The following ADGRB3 variants were observed in gnomAD, a reference collection of about 807,000 sequenced individuals.
The protein encoded by ADGRB3 is brain-specific angiogenesis inhibitor 3.
A neutral mutation model predicts 193.4 loss-of-function variants in ADGRB3; 37 were observed. The observed-to-expected ratio is 0.19, with a 90% CI of 0.15 to 0.25. ADGRB3 has a LOEUF of 0.25. Ranked by LOEUF, ADGRB3 falls within the 10% of genes least tolerant of loss-of-function variation. The pLI, the probability that ADGRB3 is intolerant of heterozygous loss-of-function variation, is 1.00. For missense variants in ADGRB3, 1,637 were observed against 1,852.9 expected (o/e 0.88, Z 2.14); for synonymous variants, 690 against 644.2 (o/e 1.07, Z -1.08).
chr6:69,327,957 C>T lies in ADGRB3; in HGVS notation c.3035+68C>T. The T allele has an allele frequency of 4.4e-6, 6 of 1,367,190 alleles. No homozygotes were observed. The South Asian group carries it at 8.3e-5, about 19-fold the overall frequency. The allele number at this position is 1,367,190 out of a possible 1,614,324, so 84.7% of individuals were successfully genotyped here. ...AATCATCAAAGAGTCTTGGTTGGCACTGCTGATGGCTTGCAGTTTATCATG... is the reference window on the plus strand; with the variant it reads ...AATCATCAAAGAGTCTTGGTTGGCATTGCTGATGGCTTGCAGTTTATCATG... On this transcript the variant is annotated intron_variant, in intron 22 of 31. Coordinates refer to ENST00000370598, the MANE Select transcript of ADGRB3 (RefSeq NM_001704.3).
chr6:68,841,106 A>ATAT (rs139618736), intron 3 of ADGRB3, among the ~76,000 whole-genome samples: 20,426 of 152,164 alleles, frequency 0.13, 1,811 homozygotes, highest in Middle Eastern at 0.2. Context: ...TAGAAAACAA[A>ATAT]TATTATTAGA....
intron 17 of ADGRB3, among the ~76,000 whole-genome samples, chr6:69,155,786 AGTAGTTT>A (rs1774818524): frequency 6.6e-6 from 1 of 152,214 alleles, no homozygotes; most frequent in South Asian, 2.1e-4. Context: ...AAGAGAAGAT[AGTAGTTT>A]GACAAAATGG....
At chr6:68,997,795 CTT>C (rs1482667918) in intron 11 of ADGRB3, among the ~76,000 whole-genome samples, 1 of 151,942 alleles carries the variant, frequency 6.6e-6, no homozygotes. Flanking sequence ...TAAAAGGTAA[CTT>C]ATTTTTTGGC....
chr6:68,692,232 T>G (rs111447258), intron 3 of ADGRB3, among the ~76,000 whole-genome samples: 1 of 152,008 alleles, frequency 6.6e-6, no homozygotes, highest in African/African-American at 2.4e-5. Context: ...TTGCAATCAG[T>G]TTTTAGAGCC....
chr6:68,952,660 A>C (rs2150255116), intron 6 of ADGRB3, among the ~76,000 whole-genome samples: 1 of 152,282 alleles, frequency 6.6e-6, no homozygotes, highest in South Asian at 2.1e-4. Flanking sequence ...AAAAAAAATT[A>C]AAAAGCTTGC....
intron 3 of ADGRB3, among the ~76,000 whole-genome samples, chr6:68,868,489 T>A (rs1451279966): frequency 6.6e-6 from 1 of 152,242 alleles, no homozygotes; most frequent in Non-Finnish European, 1.5e-5. Flanking sequence ...AAGATTTTTG[T>A]GCTAGGAACC....
chr6:69,091,647 C>T lies in ADGRB3; in HGVS notation c.2480+15609C>T, dbSNP rs185384248. Among the ~76,000 whole-genome samples, 295 of 151,692 alleles carry T rather than the reference C, an allele frequency of 1.9e-3. 4 individuals carry two copies. Among genetic ancestry groups the T allele is most frequent in the Admixed American group, 5.1e-3 (78 of 15,226 alleles). On this transcript the variant is annotated intron_variant, in intron 17 of 31. Coordinates refer to ENST00000370598, the MANE Select transcript of ADGRB3 (RefSeq NM_001704.3). ...CATACCGGGGTCTTTTGGAGGCTGG[C>T]GGGTGGGAGGAGGGAAAGGATTAAG...
chr6:69,124,833 T>G (rs1358567943), intron 17 of ADGRB3, among the ~76,000 whole-genome samples: 1 of 152,230 alleles, frequency 6.6e-6, no homozygotes, highest in Non-Finnish European at 1.5e-5. Flanking sequence ...TTTTTTCTGT[T>G]TCCTCCAGAG....
chr6:68,973,352 G>A (rs2150264728), intron 8 of ADGRB3, among the ~76,000 whole-genome samples: 1 of 152,200 alleles, frequency 6.6e-6, no homozygotes, highest in East Asian at 1.9e-4. Context: ...ATACCCATGT[G>A]TTCAAACCAT....
At chr6:68,885,032 G>T (rs1765869022) in intron 3 of ADGRB3, among the ~76,000 whole-genome samples, 4 of 152,122 alleles carry the variant, frequency 2.6e-5, no homozygotes, top group Admixed American at 2.6e-4. Flanking sequence ...TTAAATAACA[G>T]TTCAATACAA....
intron 13 of ADGRB3, among the ~76,000 whole-genome samples, chr6:69,020,267 A>G (rs1770224907): frequency 6.6e-6 from 1 of 152,134 alleles, no homozygotes; most frequent in African/African-American, 2.4e-5. Context: ...AATAAAAACT[A>G]TAACAAACAA....
At chr6:69,263,116 T>C (rs1315765745) in intron 20 of ADGRB3, among the ~76,000 whole-genome samples, 1 of 151,982 alleles carries the variant, frequency 6.6e-6, no homozygotes, top group African/African-American at 2.4e-5. Context: ...TCAAGAGATA[T>C]TAAAGGAAGC....
chr6:69,128,635 A>G (rs1461033347), intron 17 of ADGRB3, among the ~76,000 whole-genome samples: 1 of 152,178 alleles, frequency 6.6e-6, no homozygotes, highest in Non-Finnish European at 1.5e-5. Flanking sequence ...TATTTTTAGT[A>G]CTTTCTCAAC....
chr6:68,659,561 G>A (rs1173965222), intron 3 of ADGRB3, among the ~76,000 whole-genome samples: 1 of 150,278 alleles, frequency 6.7e-6, no homozygotes, highest in African/African-American at 2.4e-5. Context: ...AATGTAATTT[G>A]TAACTATTAC....
chr6:68,862,063 G>A (rs147215551), intron 3 of ADGRB3, among the ~76,000 whole-genome samples: 121 of 152,080 alleles, frequency 8.0e-4, no homozygotes, highest in African/African-American at 2.4e-3. Flanking sequence ...CAACTTCAGA[G>A]CTCTTATTTC....
chr6:68,837,481 G>C (rs1768067717), intron 3 of ADGRB3, among the ~76,000 whole-genome samples: 1 of 152,044 alleles, frequency 6.6e-6, no homozygotes, highest in Non-Finnish European at 1.5e-5. Flanking sequence ...AAATTCATTT[G>C]CCATTTGTAT....
chr6:68,802,631 A>G (rs996842026), intron 3 of ADGRB3, among the ~76,000 whole-genome samples: 3 of 152,218 alleles, frequency 2.0e-5, no homozygotes, highest in African/African-American at 7.2e-5. Flanking sequence ...TGCAAAACCA[A>G]TTAAGCTAAT....
chr6:69,384,780 AAG>A (rs1424086246), intron 31 of ADGRB3, among the ~76,000 whole-genome samples: 1 of 151,926 alleles, frequency 6.6e-6, no homozygotes, highest in East Asian at 1.9e-4. Flanking sequence ...AATATCTGAG[AAG>A]AGAGAGAAAA....
chr6:69,354,466 T>C (rs1261062311), intron 27 of ADGRB3, 138 bp downstream of exon 27: 10 of 684,732 alleles, frequency 1.5e-5, no homozygotes, highest in Non-Finnish European at 2.3e-5. Flanking sequence ...CTGTGAACTC[T>C]GGTACCACAG....
Sources: gnomAD v4.1 joint callset for allele counts (sites outside exome capture counted in the v4.1 genomes callset) on GRCh38, gnomAD v4.1.1 for gene constraint, MANE v1.5 for transcripts, NCBI Gene and HGNC (gene_info 2026-07-23, HGNC 2026-07-21) for gene names.